Variants in CADM2 observed in about 807,000 individuals in gnomAD.
CADM2 encodes the protein immunoglobulin superfamily member 4D.
In CADM2, 12 loss-of-function variants were observed where a neutral mutation model predicts 49.8. That is an observed-to-expected ratio of 0.24 (90% CI 0.15 to 0.39). The LOEUF is 0.39. CADM2 is among the 10% of genes least tolerant of loss of function. The pLI, the probability that CADM2 is intolerant of heterozygous loss-of-function variation, is 1.00. For synonymous variants in CADM2, 214 were observed against 175.4 expected, an observed-to-expected ratio of 1.22 and a Z score of -1.74; for missense variants, 378 against 492.3, an observed-to-expected ratio of 0.77 and a Z score of 2.20.
chr3:85,860,608 A>G (rs1296159431), intron 3 of CADM2, among the ~76,000 whole-genome samples: 1 of 152,158 alleles, frequency 6.6e-6, no homozygotes, highest in Non-Finnish European at 1.5e-5. Flanking sequence ...CATAGATAGC[A>G]CCATCTTCTT....
chr3:85,067,297 G>T (rs1431493910), intron 1 of CADM2, among the ~76,000 whole-genome samples: 1 of 151,560 alleles, frequency 6.6e-6, no homozygotes, highest in Non-Finnish European at 1.5e-5. Context: ...GTGTGTGTTT[G>T]TGTGTGTGTG....
At chr3:85,832,838 A>C (rs999605555) in intron 3 of CADM2, among the ~76,000 whole-genome samples, 2 of 151,700 alleles carry the variant, frequency 1.3e-5, no homozygotes, top group Admixed American at 1.3e-4. Context: ...ATTTCAGTAA[A>C]GTGTTGAATA....
At chr3:85,746,756 G>C (rs749568915) in intron 2 of CADM2, among the ~76,000 whole-genome samples, 1 of 152,036 alleles carries the variant, frequency 6.6e-6, no homozygotes, top group Non-Finnish European at 1.5e-5. Flanking sequence ...CCGTGACTCA[G>C]GGGGTAACTC....
chr3:85,257,666 T>C (rs2042918950), intron 1 of CADM2, among the ~76,000 whole-genome samples: 1 of 152,118 alleles, frequency 6.6e-6, no homozygotes, highest in African/African-American at 2.4e-5. Context: ...AGGATTAATA[T>C]CCAGAGGATT....
intron 1 of CADM2, among the ~76,000 whole-genome samples, chr3:85,364,725 A>G (rs531291813): frequency 6.6e-6 from 1 of 152,310 alleles, no homozygotes; most frequent in East Asian, 1.9e-4. Context: ...CAGTTAGGTC[A>G]ATGCTGGCTT....
At chr3:85,433,567 C>A (rs1336309054) in intron 1 of CADM2, among the ~76,000 whole-genome samples, 2 of 151,952 alleles carry the variant, frequency 1.3e-5, no homozygotes, top group African/African-American at 4.8e-5. Context: ...GTTATTGAAC[C>A]CTCTGTCATG....
intron 1 of CADM2, among the ~76,000 whole-genome samples, chr3:85,486,553 G>A (rs1296227043): frequency 6.6e-6 from 1 of 152,062 alleles, no homozygotes; most frequent in Non-Finnish European, 1.5e-5. Flanking sequence ...TCAAGGAAAT[G>A]CTATCCTTTC....
chr3:85,637,425 A>C (rs1576989293), intron 1 of CADM2, among the ~76,000 whole-genome samples: 1 of 148,090 alleles, frequency 6.8e-6, no homozygotes, highest in South Asian at 2.2e-4. Flanking sequence ...ACAAGGTGAA[A>C]CCCCGTCTCT....
At chr3:85,990,306 A>G (rs1435533662) in intron 8 of CADM2, among the ~76,000 whole-genome samples, 1 of 152,154 alleles carries the variant, frequency 6.6e-6, no homozygotes, top group Non-Finnish European at 1.5e-5. Context: ...TTTGGGTTAG[A>G]TCATTTTGCC....
At chr3:85,847,859 TG>T (rs1465597426) in intron 3 of CADM2, among the ~76,000 whole-genome samples, 1 of 152,174 alleles carries the variant, frequency 6.6e-6, no homozygotes, top group African/African-American at 2.4e-5. Context: ...GATATAAATA[TG>T]CTTTTATCTA....
chr3:85,717,653 A>G (rs1313004072), intron 1 of CADM2, among the ~76,000 whole-genome samples: 1 of 152,152 alleles, frequency 6.6e-6, no homozygotes, highest in African/African-American at 2.4e-5. Context: ...TTACTTTGAG[A>G]TACATTCCTT....
chr3:85,948,244 T>G (rs1258915145), intron 7 of CADM2, among the ~76,000 whole-genome samples: 2 of 151,626 alleles, frequency 1.3e-5, no homozygotes, highest in African/African-American at 2.4e-5. Context: ...TTTTAAAAAT[T>G]GAAATACTAT....
intron 1 of CADM2, among the ~76,000 whole-genome samples, chr3:85,371,683 A>G (rs796149892): frequency 0.046 from 4,779 of 104,086 alleles, 143 homozygotes; most frequent in African/African-American, 0.1. Context: ...GTGTGTATAT[A>G]TATATATATA....
At chr3:85,777,532 G>A (rs1051125805) in intron 2 of CADM2, among the ~76,000 whole-genome samples, 6 of 152,102 alleles carry the variant, frequency 3.9e-5, no homozygotes, top group South Asian at 2.1e-4. Flanking sequence ...TGGGATTAAA[G>A]CATGAGCCAC....
At chr3:85,200,572 G>C (rs1334677654) in intron 1 of CADM2, among the ~76,000 whole-genome samples, 2 of 152,062 alleles carry the variant, frequency 1.3e-5, no homozygotes, top group East Asian at 1.9e-4. Context: ...ATACAGTAGT[G>C]ACAGTAAACA....
chr3:85,399,876 G>T (rs933624398), intron 1 of CADM2, among the ~76,000 whole-genome samples: 6 of 152,138 alleles, frequency 3.9e-5, no homozygotes, highest in Admixed American at 2.0e-4. Flanking sequence ...GGGCTGAGAC[G>T]ATGGGGTTTT....
chr3:85,393,722 A>C (rs1341031929), intron 1 of CADM2, among the ~76,000 whole-genome samples: 1 of 152,066 alleles, frequency 6.6e-6, no homozygotes, highest in Non-Finnish European at 1.5e-5. Context: ...TTCGAGATAG[A>C]TCGTAACCCC....
intron 8 of CADM2, among the ~76,000 whole-genome samples, chr3:86,017,299 A>G (rs1042112702): frequency 2.6e-5 from 4 of 151,870 alleles, no homozygotes; most frequent in African/African-American, 7.2e-5. Flanking sequence ...GATTTGGTCA[A>G]ATAGATGTTA....
chr3:85,879,224 G>A (rs956491343), intron 3 of CADM2, among the ~76,000 whole-genome samples: 2 of 151,982 alleles, frequency 1.3e-5, no homozygotes, highest in Admixed American at 1.3e-4. Context: ...ATCATGGCAT[G>A]TAGGAGATAG....
Sources: gnomAD v4.1 joint callset for allele counts (sites outside exome capture counted in the v4.1 genomes callset) on GRCh38, gnomAD v4.1.1 for gene constraint, MANE v1.5 for transcripts, NCBI Gene and HGNC (gene_info 2026-07-23, HGNC 2026-07-21) for gene names.